Variants in GALNT17 observed in about 807,000 individuals in gnomAD.
GALNT17 encodes the protein UDP-GalNAc:polypeptide N-acetylgalactosaminyltransferase-like 3.
Under a neutral mutation model 63.7 loss-of-function variants are expected in GALNT17, and 29 were observed. The ratio of observed to expected loss-of-function variants is 0.46; its 90% CI spans 0.34 to 0.62. The LOEUF (loss-of-function observed/expected upper bound fraction) is 0.62, where lower values mean the gene tolerates loss of function less well. Ranked by LOEUF, GALNT17 falls within the 20% of genes least tolerant of loss-of-function variation. The probability of loss-of-function intolerance (pLI) is 0.01; values close to 1 mark genes in which losing one functional copy is unlikely to be tolerated. For missense variants in GALNT17, 603 were observed against 799.6 expected (o/e 0.75, Z 2.97); for synonymous variants, 305 against 318.3 (o/e 0.96, Z 0.45).
chr7:71,564,566 G>A lies in GALNT17; in HGVS notation c.963-6719G>A, dbSNP rs369890814. 3.9e-4 allele frequency among the ~76,000 whole-genome samples: 59 copies of A among 149,574 alleles called. No individual in the cohort carries two copies. In the South Asian group the frequency reaches 8.7e-3, roughly 22 times the overall value. On this transcript the variant is annotated intron_variant, in intron 5 of 10. Transcript: ENST00000333538. ...CTCCCAAAGTGCTGGGATTACAGGTGTGAGCCACTGCACCCAGCCAGTTAG... is the reference window on the plus strand; with the variant it reads ...CTCCCAAAGTGCTGGGATTACAGGTATGAGCCACTGCACCCAGCCAGTTAG...
chr7:71,616,219 C>T (rs1790199973), intron 6 of GALNT17, among the ~76,000 whole-genome samples: 1 of 151,926 alleles, frequency 6.6e-6, no homozygotes, highest in African/African-American at 2.4e-5. Context: ...TGTTCGAGTA[C>T]CCTAGGGTGG....
At chr7:71,504,765 G>T (rs1788239162) in intron 5 of GALNT17, among the ~76,000 whole-genome samples, 1 of 152,030 alleles carries the variant, frequency 6.6e-6, no homozygotes, top group Admixed American at 6.6e-5. Context: ...GCCTGGCATG[G>T]ATTCAGGGCA....
At chr7:71,560,620 A>G (rs1233105971) in intron 5 of GALNT17, among the ~76,000 whole-genome samples, 1 of 152,240 alleles carries the variant, frequency 6.6e-6, no homozygotes, top group African/African-American at 2.4e-5. Context: ...GCCAGCACCC[A>G]GGTTGCATGT....
intron 1 of GALNT17, among the ~76,000 whole-genome samples, chr7:71,154,346 C>A (rs1788191354): frequency 6.6e-6 from 1 of 152,190 alleles, no homozygotes. Flanking sequence ...GCCTCCCCAG[C>A]TGATACCAAG....
chr7:71,658,661 G>A lies in GALNT17; in HGVS notation c.1081-6750G>A, dbSNP rs139421550. Among the ~76,000 whole-genome samples the A allele has an allele frequency of 2.7e-3, 416 of 152,256 alleles. 3 individuals carry two copies. The highest frequency in any genetic ancestry group is 9.8e-3 in the African/African-American group (407 of 41,554). ...CCAGCACTTTGGGAGGCTGAGGCAG[G>A]TGGATCACTTAAGGTCAGGAGTTCA... On this transcript the variant is annotated intron_variant, in intron 6 of 10. Coordinates refer to ENST00000333538, the MANE Select transcript of GALNT17 (RefSeq NM_022479.3).
chr7:71,393,481 G>C (rs1793085604), intron 3 of GALNT17, among the ~76,000 whole-genome samples: 3 of 152,140 alleles, frequency 2.0e-5, no homozygotes, highest in Admixed American at 2.0e-4. Flanking sequence ...ATTTTGCATA[G>C]TTAAGATCAA....
At chr7:71,343,869 A>G (rs1036587843) in intron 2 of GALNT17, among the ~76,000 whole-genome samples, 3 of 151,524 alleles carry the variant, frequency 2.0e-5, no homozygotes, top group Non-Finnish European at 4.4e-5. Flanking sequence ...TGCTTTTTGT[A>G]TATAAGTAGG....
At chr7:71,330,565 T>A (rs1791791037) in intron 1 of GALNT17, among the ~76,000 whole-genome samples, 1 of 151,826 alleles carries the variant, frequency 6.6e-6, no homozygotes, top group Non-Finnish European at 1.5e-5. Flanking sequence ...ACTGGCTAAT[T>A]TGTTTATTTT....
At chr7:71,586,149 C>G (rs1473735304) in intron 6 of GALNT17, among the ~76,000 whole-genome samples, 1 of 152,126 alleles carries the variant, frequency 6.6e-6, no homozygotes, top group Non-Finnish European at 1.5e-5. Flanking sequence ...TCAACTGATC[C>G]ACCCTCCTCA....
rs140083200 is a variant in GALNT17, at chr7:71,132,907, C to T, written c.105C>T (p.Ser35=). Residue 35 remains serine (S), a synonymous_variant, in exon 1 of 11, where the codon AGC becomes AGT. Coordinates refer to ENST00000333538, the MANE Select transcript of GALNT17 (RefSeq NM_022479.3). ...LAKCRPIAVR[S]GDAFHEIRPR... ...AGTGCCGGCCCATCGCGGTGCGCAG[C>T]GGAGACGCCTTCCACGAGATCCGGC... The T allele has an allele frequency of 3.1e-6, 5 of 1,612,554 alleles. No homozygotes were observed. The highest frequency in any genetic ancestry group is 4.5e-5 in the East Asian group (2 of 44,822).
intron 1 of GALNT17, among the ~76,000 whole-genome samples, chr7:71,252,862 C>G (rs1025344038): frequency 6.6e-6 from 1 of 152,170 alleles, no homozygotes; most frequent in Non-Finnish European, 1.5e-5. Context: ...TTTGTGGGCT[C>G]CAATATCTTT....
intron 1 of GALNT17, among the ~76,000 whole-genome samples, chr7:71,310,085 C>T (rs1300117559): frequency 6.6e-6 from 1 of 152,182 alleles, no homozygotes; most frequent in East Asian, 1.9e-4. Flanking sequence ...TGACTTGCTC[C>T]TCCTTGCCTT....
At chr7:71,367,696 G>A (rs1027977900) in intron 2 of GALNT17, among the ~76,000 whole-genome samples, 4 of 152,160 alleles carry the variant, frequency 2.6e-5, no homozygotes, top group African/African-American at 4.8e-5. Flanking sequence ...TTTAATTTCA[G>A]GGGTCAAATG....
chr7:71,233,240 G>A (rs932078676), intron 1 of GALNT17, among the ~76,000 whole-genome samples: 3 of 152,176 alleles, frequency 2.0e-5, no homozygotes, highest in Non-Finnish European at 4.4e-5. Flanking sequence ...CTGGGGCAGT[G>A]TCAGGGGTAA....
At chr7:71,317,415 A>G (rs1249984523) in intron 1 of GALNT17, among the ~76,000 whole-genome samples, 2 of 152,206 alleles carry the variant, frequency 1.3e-5, no homozygotes. Context: ...TTAAAGAGCA[A>G]TGCCTGATTA....
At chr7:71,203,171 G>A (rs953790561) in intron 1 of GALNT17, among the ~76,000 whole-genome samples, 9 of 152,146 alleles carry the variant, frequency 5.9e-5, no homozygotes, top group African/African-American at 2.2e-4. Context: ...CCCAGACGTG[G>A]GATTGCTGGA....
intron 6 of GALNT17, among the ~76,000 whole-genome samples, chr7:71,594,142 G>C (rs569156551): frequency 6.6e-6 from 1 of 152,102 alleles, no homozygotes; most frequent in South Asian, 2.1e-4. Context: ...GCTCTTTTTG[G>C]AACGTTATCA....
intron 6 of GALNT17, among the ~76,000 whole-genome samples, chr7:71,596,672 G>A (rs1453893063): frequency 6.6e-6 from 1 of 152,080 alleles, no homozygotes; most frequent in Non-Finnish European, 1.5e-5. Flanking sequence ...GCAAGAAAAA[G>A]GCAGAAGCAA....
chr7:71,305,942 G>A (rs543421578), intron 1 of GALNT17, among the ~76,000 whole-genome samples: 15 of 152,326 alleles, frequency 9.8e-5, no homozygotes, highest in African/African-American at 3.6e-4. Context: ...AATTAGGCCG[G>A]GCATGGTGGC....
Sources: allele counts gnomAD v4.1 joint callset (sites outside exome capture counted in the v4.1 genomes callset), GRCh38; gene constraint gnomAD v4.1.1; transcripts MANE v1.5; gene names NCBI Gene and HGNC (gene_info 2026-07-23, HGNC 2026-07-21).